CDKAL1: variants seen among roughly 807,000 people sequenced by gnomAD.
The protein encoded by CDKAL1 is CDKAL1 threonylcarbamoyladenosine tRNA methylthiotransferase.
In CDKAL1, 32 loss-of-function variants were observed where a neutral mutation model predicts 68.2. That is an observed-to-expected ratio of 0.47 (90% CI 0.35 to 0.63). CDKAL1 has a LOEUF of 0.63. Ranked by LOEUF, CDKAL1 falls within the 30% of genes least tolerant of loss-of-function variation. The probability of loss-of-function intolerance (pLI) is 0.00; values close to 1 mark genes in which losing one functional copy is unlikely to be tolerated. For missense variants in CDKAL1, 606 were observed against 696.7 expected, an observed-to-expected ratio of 0.87 and a Z score of 1.47; for synonymous variants, 234 against 244.3, an observed-to-expected ratio of 0.96 and a Z score of 0.39.
intron 11 of CDKAL1, among the ~76,000 whole-genome samples, chr6:21,062,236 G>A (rs1466055707): frequency 6.6e-6 from 1 of 152,128 alleles, no homozygotes; most frequent in Non-Finnish European, 1.5e-5. Context: ...TATTTCCCAT[G>A]CAGTTTCTAA....
chr6:20,679,269 C>T (rs1770265538), intron 5 of CDKAL1, among the ~76,000 whole-genome samples: 1 of 152,226 alleles, frequency 6.6e-6, no homozygotes, highest in Admixed American at 6.5e-5. Context: ...TCAATAGTAT[C>T]CTTTTATTCC....
At chr6:20,776,119 G>A (rs6456372) in intron 7 of CDKAL1, among the ~76,000 whole-genome samples, 146,069 of 152,336 alleles carry the variant, frequency 0.96, 70,044 homozygotes, top group East Asian at 1. Flanking sequence ...GATAGTGAAG[G>A]TGAATAATTT....
At position 21,152,839 on chromosome 6, in the gene CDKAL1, T is replaced by C. The variant is rs373854969; in HGVS notation, c.1299+44376T>C. ...CTATCATTCAGCCACTCCAGCCATG[T>C]ACTACGCAGATCCAAGGAAGGAGTA... On this transcript the variant is annotated intron_variant, in intron 13 of 15. Transcript: ENST00000274695. 2.7e-4 allele frequency among the ~76,000 whole-genome samples: 41 copies of C among 152,360 alleles called. 1 individual carries two copies. The East Asian group carries it at 7.9e-3, about 29-fold the overall frequency.
intron 8 of CDKAL1, among the ~76,000 whole-genome samples, chr6:20,801,630 C>T (rs1226730709): frequency 1.3e-5 from 2 of 152,106 alleles, no homozygotes; most frequent in African/African-American, 4.8e-5. Context: ...GGAATATATA[C>T]ATCTTAAGAG....
At chr6:21,086,554 G>A (rs10946428) in intron 12 of CDKAL1, among the ~76,000 whole-genome samples, 48,176 of 151,992 alleles carry the variant, frequency 0.32, 7,752 homozygotes, top group Middle Eastern at 0.42. Context: ...GGCGAACACC[G>A]AAGTCCTGGC....
chr6:20,832,327 C>T (rs1287160584), intron 8 of CDKAL1, among the ~76,000 whole-genome samples: 1 of 152,040 alleles, frequency 6.6e-6, no homozygotes, highest in Non-Finnish European at 1.5e-5. Context: ...TTTCACTTTT[C>T]TAATTTTAAG....
intron 8 of CDKAL1, among the ~76,000 whole-genome samples, chr6:20,790,582 T>C (rs1029861000): frequency 7.2e-5 from 11 of 152,164 alleles, no homozygotes; most frequent in African/African-American, 2.4e-4. Context: ...CAGGCCTCAC[T>C]CAGCCCTGGG....
At chr6:20,707,068 T>C (rs1771633271) in intron 5 of CDKAL1, among the ~76,000 whole-genome samples, 1 of 152,218 alleles carries the variant, frequency 6.6e-6, no homozygotes. Context: ...GGTTTGTCTG[T>C]CATTAAAAAC....
At chr6:20,702,731 T>C (rs1771424992) in intron 5 of CDKAL1, among the ~76,000 whole-genome samples, 1 of 152,170 alleles carries the variant, frequency 6.6e-6, no homozygotes, top group African/African-American at 2.4e-5. Flanking sequence ...CTCGGGGTTT[T>C]TATAGGCACA....
At position 20,732,012 on chromosome 6, in the gene CDKAL1, A is replaced by G. The variant is rs546176141; in HGVS notation, c.372-7507A>G. On this transcript the variant is annotated intron_variant, in intron 5 of 15. Coordinates refer to ENST00000274695, the MANE Select transcript of CDKAL1 (RefSeq NM_017774.3). ...AGCCAGCCTGGTAGGACTCAGAAGC[A>G]TCATCTTCTCTCTTTTTTTAAACAT... is the stretch of plus-strand genomic sequence containing the variant. Among the ~76,000 whole-genome samples, 4 of 152,172 alleles carry G rather than the reference A, an allele frequency of 2.6e-5. No homozygotes were observed. In the East Asian group the frequency reaches 7.8e-4, roughly 30 times the overall value.
At chr6:20,783,546 G>C (rs191802462) in intron 8 of CDKAL1, among the ~76,000 whole-genome samples, 58 of 152,218 alleles carry the variant, frequency 3.8e-4, no homozygotes, top group African/African-American at 1.3e-3. Flanking sequence ...AGGTTGAAGG[G>C]TTTTCCTGGC....
chr6:21,069,804 T>TTAAAA (rs60342057), intron 12 of CDKAL1, among the ~76,000 whole-genome samples: 2,297 of 85,326 alleles, frequency 0.027, 201 homozygotes, highest in East Asian at 0.058. Flanking sequence ...TTTTTTTTTT[T>TTAAAA]AAAACAGAGC....
chr6:21,113,548 G>A (rs1051100917), intron 13 of CDKAL1, among the ~76,000 whole-genome samples: 1 of 151,986 alleles, frequency 6.6e-6, no homozygotes, highest in African/African-American at 2.4e-5. Context: ...TGTCATCCAG[G>A]CTGCAGAGCA....
At chr6:20,851,041 A>G (rs760673913) in intron 9 of CDKAL1, among the ~76,000 whole-genome samples, 2 of 151,478 alleles carry the variant, frequency 1.3e-5, no homozygotes, top group Middle Eastern at 3.4e-3. Flanking sequence ...CTCTCTCTCA[A>G]CCTCCATAAT....
chr6:20,690,178 A>T (rs1770807697), intron 5 of CDKAL1, among the ~76,000 whole-genome samples: 1 of 151,720 alleles, frequency 6.6e-6, no homozygotes, highest in African/African-American at 2.4e-5. Flanking sequence ...TAAAAAACAC[A>T]TGTGTTTAAT....
chr6:21,124,839 G>A (rs1285963867), intron 13 of CDKAL1, among the ~76,000 whole-genome samples: 1 of 151,900 alleles, frequency 6.6e-6, no homozygotes. Flanking sequence ...ATGCCATCCA[G>A]ACTGTTGATC....
chr6:20,741,670 T>C (rs1405686340), intron 6 of CDKAL1, among the ~76,000 whole-genome samples: 1 of 152,122 alleles, frequency 6.6e-6, no homozygotes, highest in Non-Finnish European at 1.5e-5. Context: ...TATGGCTGCA[T>C]AGTATTCCAT....
At chr6:21,114,247 CAAAAAA>C (rs55859447) in intron 13 of CDKAL1, among the ~76,000 whole-genome samples, 10 of 101,714 alleles carry the variant, frequency 9.8e-5, no homozygotes, top group Admixed American at 3.1e-4. Flanking sequence ...GACTCTGTCT[CAAAAAA>C]AAAAAAAAAA....
chr6:20,879,317 T>C (rs1346794721), intron 9 of CDKAL1, among the ~76,000 whole-genome samples: 1 of 152,172 alleles, frequency 6.6e-6, no homozygotes, highest in Non-Finnish European at 1.5e-5. Flanking sequence ...CTAGTTAGTT[T>C]TGAAGTCTTG....
Sources: allele counts gnomAD v4.1 joint callset (sites outside exome capture counted in the v4.1 genomes callset), GRCh38; gene constraint gnomAD v4.1.1; transcripts MANE v1.5; gene names NCBI Gene and HGNC (gene_info 2026-07-23, HGNC 2026-07-21).